Variants in CHST11 observed in about 807,000 individuals in gnomAD.
CHST11 encodes carbohydrate sulfotransferase 11.
In CHST11, 9 loss-of-function variants were observed where a neutral mutation model predicts 30.4. The ratio of observed to expected loss-of-function variants is 0.30; its 90% CI spans 0.18 to 0.52. The LOEUF is 0.52. CHST11 is among the 20% of genes least tolerant of loss of function. CHST11 has a pLI of 0.97. For synonymous variants in CHST11, 152 were observed against 187.8 expected (o/e 0.81, Z 1.56); for missense variants, 348 against 460.6 (o/e 0.76, Z 2.24).
chr12:104,515,250 G>A (rs902152853), intron 1 of CHST11, among the ~76,000 whole-genome samples: 1 of 152,178 alleles, frequency 6.6e-6, no homozygotes, highest in African/African-American at 2.4e-5. Flanking sequence ...CGTACTTTCT[G>A]TGCCACTTTT....
rs528432154 is a variant in CHST11, at chr12:104,614,152, T to C, written c.204+12161T>C. ...CTCTCTATCTAAGCATCATGTTGTA[T>C]ACCATGAATATATATAATTTTTATT... On this transcript the variant is annotated intron_variant, in intron 2 of 2. Transcript: ENST00000303694. Among the ~76,000 whole-genome samples, 90 of 152,368 alleles carry C rather than the reference T, an allele frequency of 5.9e-4. No homozygotes were observed. In the Middle Eastern group the frequency reaches 0.01, roughly 17 times the overall value.
At chr12:104,710,323 C>T (rs916092726) in intron 2 of CHST11, among the ~76,000 whole-genome samples, 6 of 152,196 alleles carry the variant, frequency 3.9e-5, no homozygotes, top group Non-Finnish European at 8.8e-5. Flanking sequence ...GCACCGCTGG[C>T]GTGGTCTTCA....
chr12:104,604,684 G>C (rs1003664754), intron 2 of CHST11, among the ~76,000 whole-genome samples: 4 of 152,186 alleles, frequency 2.6e-5, no homozygotes, highest in African/African-American at 7.2e-5. Context: ...CCGGAATGAT[G>C]TTATCACTGA....
chr12:104,747,689 G>A (rs748662177), intron 2 of CHST11, among the ~76,000 whole-genome samples: 7 of 152,182 alleles, frequency 4.6e-5, no homozygotes, highest in Non-Finnish European at 1.0e-4. Context: ...TGGAGAAACT[G>A]AGGCTAGACC....
At chr12:104,683,612 C>A (rs1015275308) in intron 2 of CHST11, among the ~76,000 whole-genome samples, 1 of 152,222 alleles carries the variant, frequency 6.6e-6, no homozygotes, top group African/African-American at 2.4e-5. Flanking sequence ...CACCCCAGAA[C>A]TGATCACTCT....
At chr12:104,695,351 G>C (rs1043363014) in intron 2 of CHST11, among the ~76,000 whole-genome samples, 5 of 152,176 alleles carry the variant, frequency 3.3e-5, no homozygotes, top group Admixed American at 6.5e-5. Flanking sequence ...CCTAGAATTA[G>C]GCAGTTTGGT....
chr12:104,710,830 AAGCATCTCTCC>A (rs1158133462), intron 2 of CHST11, among the ~76,000 whole-genome samples: 1 of 152,132 alleles, frequency 6.6e-6, no homozygotes, highest in Non-Finnish European at 1.5e-5. Context: ...TCCAGCTCTG[AAGCATCTCTCC>A]AGCAAACTTC....
At chr12:104,684,735 G>A (rs1285258828) in intron 2 of CHST11, among the ~76,000 whole-genome samples, 1 of 152,126 alleles carries the variant, frequency 6.6e-6, no homozygotes, top group Non-Finnish European at 1.5e-5. Flanking sequence ...TTTTAGTAGA[G>A]ACAGGGTTTC....
chr12:104,714,626 G>A (rs1196990603), intron 2 of CHST11, among the ~76,000 whole-genome samples: 1 of 152,148 alleles, frequency 6.6e-6, no homozygotes, highest in Non-Finnish European at 1.5e-5. Context: ...CAGACACAGC[G>A]GCTGCTTGAC....
Position 104,632,863 on chromosome 12 carries a change from G to A in CHST11, c.204+30872G>A, listed in dbSNP as rs144694871. 5.9e-3 allele frequency among the ~76,000 whole-genome samples: 899 copies of A among 152,356 alleles called. 7 individuals carry two copies. The highest frequency in any genetic ancestry group is 0.014 in the Middle Eastern group (4 of 294). On this transcript the variant is annotated intron_variant, in intron 2 of 2. Coordinates refer to ENST00000303694, the MANE Select transcript of CHST11 (RefSeq NM_018413.6). Reference sequence around the variant, plus strand: ...CCAGTACACTGAAGCTATCGCTGACGTTAAGGAGCCTCTTCTAAGCTGGGA... The same window carrying A: ...CCAGTACACTGAAGCTATCGCTGACATTAAGGAGCCTCTTCTAAGCTGGGA...
At chr12:104,631,503 T>C (rs2039270233) in intron 2 of CHST11, among the ~76,000 whole-genome samples, 1 of 152,120 alleles carries the variant, frequency 6.6e-6, no homozygotes. Flanking sequence ...GCTTCTCCCA[T>C]GCCCAGAGAT....
chr12:104,708,741 C>T (rs1335783442), intron 2 of CHST11, among the ~76,000 whole-genome samples: 7 of 152,300 alleles, frequency 4.6e-5, no homozygotes, highest in Middle Eastern at 3.4e-3. Context: ...TAGAGACATC[C>T]CCTTGAAATG....
In CHST11 at chr12:104,676,871, G is replaced by C. The variant is rs186023462; in HGVS notation, c.204+74880G>C. On this transcript the variant is annotated intron_variant, in intron 2 of 2. Coordinates refer to ENST00000303694, the MANE Select transcript of CHST11 (RefSeq NM_018413.6). The surrounding 1 kb of genome is among the most constrained non-coding windows in gnomAD (Gnocchi z 4.4). The stretch of plus-strand genomic sequence containing the variant: ...TGCGGCCTTTTGGGCGTGTCATTCT[G>C]CCTAGCACAGATGGCCATTCTCATC... Among the ~76,000 whole-genome samples the C allele has an allele frequency of 3.9e-3, 589 of 152,304 alleles. No homozygotes were observed. Among genetic ancestry groups the C allele is most frequent in the Middle Eastern group, 6.8e-3 (2 of 294 alleles).
At chr12:104,486,816 GCAGCTGAA>G (rs2037683719) in intron 1 of CHST11, among the ~76,000 whole-genome samples, 1 of 152,150 alleles carries the variant, frequency 6.6e-6, no homozygotes, top group African/African-American at 2.4e-5. Context: ...TACTCCCATT[GCAGCTGAA>G]CATGATTTCT....
At chr12:104,570,452 C>G (rs1389888327) in intron 1 of CHST11, among the ~76,000 whole-genome samples, 1 of 152,062 alleles carries the variant, frequency 6.6e-6, no homozygotes, top group Non-Finnish European at 1.5e-5. Flanking sequence ...TCTTGGTGTC[C>G]CATCTATGCC....
intron 1 of CHST11, among the ~76,000 whole-genome samples, chr12:104,503,717 C>T (rs1259677357): frequency 6.6e-6 from 1 of 152,100 alleles, no homozygotes; most frequent in Non-Finnish European, 1.5e-5. Flanking sequence ...GATGGTGCTT[C>T]CTGATCTTCC....
intron 1 of CHST11, among the ~76,000 whole-genome samples, chr12:104,557,075 C>G (rs2038464760): frequency 6.6e-6 from 1 of 151,908 alleles, no homozygotes; most frequent in South Asian, 2.1e-4. Flanking sequence ...ATGACCTTAT[C>G]TTAACTTGAT....
intron 1 of CHST11, among the ~76,000 whole-genome samples, chr12:104,493,005 C>A (rs992465673): frequency 1.3e-5 from 2 of 151,940 alleles, no homozygotes; most frequent in East Asian, 3.9e-4. Flanking sequence ...TGCACTCCAG[C>A]CTGGGCAACA....
rs75452350 is a variant in CHST11, at chr12:104,741,507, T to G, written c.205-15442T>G. Among the ~76,000 whole-genome samples, 7 of 152,348 alleles carry G rather than the reference T, an allele frequency of 4.6e-5. No individual in the cohort carries two copies. The East Asian group carries it at 1.3e-3, about 29-fold the overall frequency. On this transcript the variant is annotated intron_variant, in intron 2 of 2. Coordinates refer to ENST00000303694, the MANE Select transcript of CHST11 (RefSeq NM_018413.6). ...TGGACCTCTTTGGGTGCCTCTCAATTCATAGTTCAGTTACTGTGAAATTCC... is the reference window on the plus strand; with the variant it reads ...TGGACCTCTTTGGGTGCCTCTCAATGCATAGTTCAGTTACTGTGAAATTCC...
Sources: gnomAD v4.1 joint callset for allele counts (sites outside exome capture counted in the v4.1 genomes callset) on GRCh38, gnomAD v4.1.1 for gene constraint, Gnocchi (gnomAD v3.1) non-coding constraint, MANE v1.5 for transcripts, NCBI Gene and HGNC (gene_info 2026-07-23, HGNC 2026-07-21) for gene names.